ECH1: variants seen among roughly 807,000 people sequenced by gnomAD.
ECH1 encodes delta(3,5)-Delta(2,4)-dienoyl-CoA isomerase, mitochondrial.
ECH1 carries 30 observed loss-of-function variants against 37.0 expected under a neutral mutation model. The observed-to-expected ratio is 0.81, with a 90% CI of 0.61 to 1.10. The LOEUF (loss-of-function observed/expected upper bound fraction) is 1.10. Ranked by LOEUF, ECH1 falls within the 50% of genes least tolerant of loss-of-function variation. The pLI, the probability that ECH1 is intolerant of heterozygous loss-of-function variation, is 0.00. For synonymous variants in ECH1, 178 were observed against 176.0 expected (o/e 1.01, Z -0.09); for missense variants, 456 against 441.6 (o/e 1.03, Z -0.29).
At chr19:38,826,139 T>C (rs1438826292) in intron 3 of ECH1, among the ~76,000 whole-genome samples, 2 of 152,238 alleles carry the variant, frequency 1.3e-5, no homozygotes, top group African/African-American at 4.8e-5. Context: ...TCTTTTCACA[T>C]GCCTTTCTTA....
chr19:38,831,258 C>T (rs1399200020), intron 2 of ECH1, 51 bp downstream of exon 2: 8 of 1,608,022 alleles, frequency 5.0e-6, no homozygotes, highest in Non-Finnish European at 6.8e-6. Flanking sequence ...CACCCAGTCC[C>T]GCAGCCCCGC....
intron 3 of ECH1, among the ~76,000 whole-genome samples, chr19:38,822,188 G>A (rs1231687383): frequency 1.3e-5 from 2 of 150,766 alleles, no homozygotes; most frequent in African/African-American, 4.9e-5. Context: ...TGGGGACTTG[G>A]AGAAACTTTA....
chr19:38,829,950 G>A (rs1380150040), intron 3 of ECH1, among the ~76,000 whole-genome samples: 1 of 152,172 alleles, frequency 6.6e-6, no homozygotes, highest in Non-Finnish European at 1.5e-5. Context: ...GAGGTCAGGA[G>A]TTTAAGACCA....
rs1316108336 is a variant in ECH1, at chr19:38,831,740, G to A, written c.33C>T (p.Leu11=). The A allele has an allele frequency of 1.2e-6, 2 of 1,613,356 alleles. No homozygotes were observed. The highest frequency in any genetic ancestry group is 1.7e-5 in the Admixed American group (1 of 59,990). The change falls in exon 1 of 10, where the codon CTC becomes CTT. Residue 11 remains leucine (L), a synonymous_variant. Transcript: ENST00000221418. Reference sequence around the variant, plus strand: ...ACTCACGCCGGGTCAGTAGGTCGCGGAGTCTGCGAGAAGCCACTATCCCCG... The same window carrying A: ...ACTCACGCCGGGTCAGTAGGTCGCGAAGTCTGCGAGAAGCCACTATCCCCG... MAAGIVASRR[L]RDLLTRRLTG... is the part of the protein sequence containing the mutation.
intron 3 of ECH1, among the ~76,000 whole-genome samples, chr19:38,830,035 T>G (rs1971796210): frequency 6.6e-6 from 1 of 152,140 alleles, no homozygotes. Flanking sequence ...CGGGCACTTG[T>G]AACCCCAGCT....
At chr19:38,817,627 G>A (rs780586949) in intron 3 of ECH1, 52 bp from the exon 4 acceptor site, 1 of 1,538,266 alleles carries the variant, frequency 6.5e-7, no homozygotes, top group Non-Finnish European at 8.8e-7. Context: ...CCCACCCATT[G>A]ACTCAACCAG....
In ECH1 at chr19:38,827,801, G is replaced by T. The variant is rs1255079118; in HGVS notation, c.349+3277C>A. On this transcript the variant is annotated intron_variant, in intron 3 of 9. Transcript: ENST00000221418. ...CCCACCTCAGCCTCCAGAGTAGCTG[G>T]GAGTGTGGTCATTCATCACACCCAG... 3.3e-5 allele frequency among the ~76,000 whole-genome samples: 5 copies of T among 152,074 alleles called. No homozygotes were observed. In the East Asian group the frequency reaches 9.6e-4, roughly 29 times the overall value.
At chr19:38,826,051 G>T (rs1971734756) in intron 3 of ECH1, among the ~76,000 whole-genome samples, 1 of 152,192 alleles carries the variant, frequency 6.6e-6, no homozygotes, top group Admixed American at 6.5e-5. Flanking sequence ...CTCAAGGTCT[G>T]TTACCATCCG....
At chr19:38,819,662 G>C (rs1197172017) in intron 3 of ECH1, among the ~76,000 whole-genome samples, 2 of 152,020 alleles carry the variant, frequency 1.3e-5, no homozygotes, top group African/African-American at 4.8e-5. Flanking sequence ...AGTATATTTT[G>C]GGGCTGGGCG....
rs1176280456 is a variant in ECH1 at position 38,831,059 on chromosome 19, TG to T, written c.349+18del. ...AGGAGCTAGGAAGGCTGGCAGGGTG[TG>T]TGAAGAGCGTCTGGTACCTGCAGTG... On this transcript the variant is annotated intron_variant, in intron 3 of 9. Coordinates refer to ENST00000221418, the MANE Select transcript of ECH1 (RefSeq NM_001398.3). 6.2e-7 allele frequency: 1 copy of T among 1,611,354 alleles called. No homozygotes were observed. Among genetic ancestry groups the T allele is most frequent in the South Asian group, 1.1e-5 (1 of 91,010 alleles).
At chr19:38,821,569 C>A (rs1971662605) in intron 3 of ECH1, among the ~76,000 whole-genome samples, 1 of 152,170 alleles carries the variant, frequency 6.6e-6, no homozygotes, top group Non-Finnish European at 1.5e-5. Context: ...TGGGTGTGAG[C>A]TCGGCGACCC....
At chr19:38,817,193 G>T (rs1971589913) in intron 5 of ECH1, 64 bp from the exon 6 acceptor site, 2 of 1,551,226 alleles carry the variant, frequency 1.3e-6, no homozygotes, top group Non-Finnish European at 1.7e-6. Flanking sequence ...CCGGGAGGTG[G>T]GGCTGCCTCT....
At chr19:38,827,110 G>A (rs1206826493) in intron 3 of ECH1, among the ~76,000 whole-genome samples, 2 of 128,628 alleles carry the variant, frequency 1.6e-5, no homozygotes, top group African/African-American at 5.8e-5. Context: ...AGGAAGGGAG[G>A]AGAGGGAGGG....
At chr19:38,818,029 C>A (rs1161416262) in intron 3 of ECH1, among the ~76,000 whole-genome samples, 1 of 152,168 alleles carries the variant, frequency 6.6e-6, no homozygotes, top group East Asian at 1.9e-4. Context: ...TCAAGCAATC[C>A]TCCCACCTCA....
Position 38,829,025 on chromosome 19 carries a change from C to T in ECH1, c.349+2053G>A, listed in dbSNP as rs539588442. Among the ~76,000 whole-genome samples, 437 of 151,184 alleles carry T rather than the reference C, an allele frequency of 2.9e-3. 1 individual carries two copies. Among genetic ancestry groups the T allele is most frequent in the African/African-American group, 0.01 (416 of 41,320 alleles). ...ACTGACCAGGCACAGTGGCTCACGC[C>T]TGTAATCCCAGCACTTTGGGAGGCC... On this transcript the variant is annotated intron_variant, in intron 3 of 9. Coordinates refer to ENST00000221418, the MANE Select transcript of ECH1 (RefSeq NM_001398.3).
At chr19:38,818,486 T>TA in intron 3 of ECH1, 1 of 698,948 alleles carries the variant, frequency 1.4e-6, no homozygotes, top group Non-Finnish European at 1.8e-6. Flanking sequence ...CTCTTTTTTT[T>TA]TATTTTATTT....
chr19:38,826,676 C>T (rs1161404335), intron 3 of ECH1, among the ~76,000 whole-genome samples: 1 of 152,186 alleles, frequency 6.6e-6, no homozygotes, highest in Non-Finnish European at 1.5e-5. Context: ...CACTCTGACT[C>T]CCAGTTTCTC....
At chr19:38,828,908 A>G (rs1808829351) in intron 3 of ECH1, among the ~76,000 whole-genome samples, 1 of 149,090 alleles carries the variant, frequency 6.7e-6, no homozygotes, top group African/African-American at 2.5e-5. Context: ...GGCGTGAGCC[A>G]CCACACCTGG....
chr19:38,815,932 G>C lies in ECH1; in HGVS notation c.807C>G (p.Pro269=). The C allele has an allele frequency of 1.2e-6, 2 of 1,614,156 alleles. No homozygotes were observed. The highest frequency in any genetic ancestry group is 1.7e-6 in the Non-Finnish European group (2 of 1,180,038). ...ALAAEISSKS[P]VAVQSTKVNL... Reference sequence around the variant, plus strand: ...TGACCTTGGTGCTCTGCACCGCCACGGGGCTCTTGCTGGAAATCTCGGCCG... The same window carrying C: ...TGACCTTGGTGCTCTGCACCGCCACCGGGCTCTTGCTGGAAATCTCGGCCG... Residue 269 remains proline, a synonymous_variant, in exon 9 of 10, where the codon CCC becomes CCG. Coordinates refer to ENST00000221418, the MANE Select transcript of ECH1 (RefSeq NM_001398.3).
Sources: allele counts gnomAD v4.1 joint callset (sites outside exome capture counted in the v4.1 genomes callset), GRCh38; gene constraint gnomAD v4.1.1; transcripts MANE v1.5; gene names NCBI Gene and HGNC (gene_info 2026-07-23, HGNC 2026-07-21).